ANXA7: variants seen among roughly 807,000 people sequenced by gnomAD.
ANXA7 encodes annexin VII.
A neutral mutation model predicts 64.9 loss-of-function variants in ANXA7; 55 were observed. The observed-to-expected ratio is 0.85, with a 90% confidence interval of 0.68 to 1.06. ANXA7 has a LOEUF of 1.06. ANXA7 is among the 50% of genes least tolerant of loss of function. The probability of loss-of-function intolerance (pLI) is 0.00; values close to 1 mark genes in which losing one functional copy is unlikely to be tolerated. For synonymous variants in ANXA7, 200 were observed against 192.4 expected (o/e 1.04, Z -0.33); for missense variants, 548 against 582.1 (o/e 0.94, Z 0.60).
In ANXA7 at chr10:73,384,175, GTTACAC is replaced by G. The variant is rs2055325237; in HGVS notation, c.634-491_634-486del. Among the ~76,000 whole-genome samples, 3 of 151,856 alleles carry G rather than the reference GTTACAC, an allele frequency of 2.0e-5. No homozygotes were observed. The South Asian group carries it at 6.3e-4, about 32-fold the overall frequency. On this transcript the variant is annotated intron_variant, in intron 7 of 12. Transcript: ENST00000372921. Reference sequence around the variant, plus strand: ...AAAGAAGTAAATAAATTTAAAGTCTGTTACACTTACACATTTATTACACTCAAGCAG... The same window carrying G: ...AAAGAAGTAAATAAATTTAAAGTCTGTTACACATTTATTACACTCAAGCAG...
chr10:73,389,813 G>A (rs1053099840), intron 5 of ANXA7, among the ~76,000 whole-genome samples: 1 of 152,008 alleles, frequency 6.6e-6, no homozygotes, highest in Non-Finnish European at 1.5e-5. Context: ...TTGTAGAGAC[G>A]GGGGTCTTGC....
intron 1 of ANXA7, chr10:73,408,545 T>A (rs1018844947): frequency 6.6e-5 from 10 of 152,166 alleles, no homozygotes; most frequent in African/African-American, 2.4e-4. Context: ...ATTCTTTAGC[T>A]ACTATCTTAA....
chr10:73,383,817 TA>T lies in ANXA7; in HGVS notation c.634-128del, dbSNP rs373213635. 1.1e-3 allele frequency: 756 copies of T among 683,332 alleles called. 4 individuals are homozygous for T. The highest frequency in any genetic ancestry group is 8.9e-3 in the African/African-American group (492 of 55,422). 42.3% of individuals were successfully genotyped at this position (683,332 alleles called of 1,614,324 possible). A position where few individuals can be genotyped will look rare whatever the true frequency, so the allele number is the denominator to read the frequency against. On this transcript the variant is annotated intron_variant, in intron 7 of 12. Coordinates refer to ENST00000372921, the MANE Select transcript of ANXA7 (RefSeq NM_001156.5). ...AAACCTAAATTTGAAAGCTGAATGT[TA>T]ATATACTAAGAAGTAAATAAAGGCC... is the stretch of plus-strand genomic sequence containing the variant.
intron 5 of ANXA7, among the ~76,000 whole-genome samples, chr10:73,393,944 T>C (rs1321883154): frequency 1.3e-5 from 2 of 152,254 alleles, no homozygotes; most frequent in East Asian, 3.9e-4. Context: ...GGGAGAACAT[T>C]TTTGCAATCT....
chr10:73,389,390 T>C (rs1195547574), intron 5 of ANXA7, among the ~76,000 whole-genome samples: 2 of 152,166 alleles, frequency 1.3e-5, no homozygotes, highest in African/African-American at 4.8e-5. Flanking sequence ...AAGGACATCA[T>C]TGAGACAACT....
At chr10:73,412,566 T>C (rs912631153) in intron 1 of ANXA7, among the ~76,000 whole-genome samples, 1 of 150,582 alleles carries the variant, frequency 6.6e-6, no homozygotes, top group African/African-American at 2.4e-5. Context: ...CGATCTTGGC[T>C]CACTGCAACC....
At chr10:73,379,151 A>G (rs1355987073) in intron 11 of ANXA7, 128 bp from the exon 12 acceptor site, 1 of 607,088 alleles carries the variant, frequency 1.6e-6, no homozygotes, top group Non-Finnish European at 2.7e-6. Flanking sequence ...ACATGGGGTG[A>G]GTTAAGAGTG....
At chr10:73,393,516 G>C (rs1478697132) in intron 5 of ANXA7, among the ~76,000 whole-genome samples, 1 of 152,104 alleles carries the variant, frequency 6.6e-6, no homozygotes, top group Non-Finnish European at 1.5e-5. Context: ...CAGAGATATA[G>C]ACCAATGGAA....
chr10:73,378,002 A>G (rs1013812088), intron 12 of ANXA7, among the ~76,000 whole-genome samples: 3 of 151,454 alleles, frequency 2.0e-5, no homozygotes, highest in South Asian at 2.1e-4. Context: ...TCCTGGGCTC[A>G]AGCAATCCTC....
intron 1 of ANXA7, among the ~76,000 whole-genome samples, chr10:73,411,068 TAAAG>T (rs2055830999): frequency 6.6e-6 from 1 of 152,094 alleles, no homozygotes; most frequent in African/African-American, 2.4e-5. Context: ...ACTGAGTGGA[TAAAG>T]AAAATGTGGT....
chr10:73,378,209 T>A (rs1232300243), intron 12 of ANXA7, among the ~76,000 whole-genome samples: 3 of 151,492 alleles, frequency 2.0e-5, no homozygotes, highest in Non-Finnish European at 2.9e-5. Context: ...ACCCCATCTC[T>A]ACCAAAAAAA....
At chr10:73,385,632 A>G (rs916948838) in intron 7 of ANXA7, among the ~76,000 whole-genome samples, 1 of 152,162 alleles carries the variant, frequency 6.6e-6, no homozygotes, top group Non-Finnish European at 1.5e-5. Context: ...CGGAAATTAG[A>G]TTGTTAGTTT....
chr10:73,390,954 G>A (rs974646979), intron 5 of ANXA7, among the ~76,000 whole-genome samples: 7 of 150,162 alleles, frequency 4.7e-5, no homozygotes, highest in East Asian at 2.0e-4. Context: ...GGTGGATCAC[G>A]AGGTCAAGAG....
chr10:73,399,097 A>G (rs1350588457), intron 2 of ANXA7, among the ~76,000 whole-genome samples: 1 of 152,116 alleles, frequency 6.6e-6, no homozygotes, highest in African/African-American at 2.4e-5. Context: ...CTCTTCCTTC[A>G]TCTGCCACCC....
At chr10:73,412,974 T>C (rs1409503494) in intron 1 of ANXA7, among the ~76,000 whole-genome samples, 1 of 151,956 alleles carries the variant, frequency 6.6e-6, no homozygotes, top group Non-Finnish European at 1.5e-5. Flanking sequence ...GTTGCAAATT[T>C]ATGGGGGAAA....
At chr10:73,394,003 A>G (rs545648942) in intron 5 of ANXA7, among the ~76,000 whole-genome samples, 1 of 152,310 alleles carries the variant, frequency 6.6e-6, no homozygotes, top group East Asian at 1.9e-4. Flanking sequence ...GAACTTAAAC[A>G]AATTTACAAG....
At chr10:73,405,406 G>A (rs1178745684) in intron 1 of ANXA7, among the ~76,000 whole-genome samples, 3 of 151,888 alleles carry the variant, frequency 2.0e-5, no homozygotes, top group African/African-American at 7.3e-5. Context: ...GCCAGGCGTG[G>A]TGGCATGTGC....
intron 5 of ANXA7, among the ~76,000 whole-genome samples, chr10:73,394,095 C>G (rs963366608): frequency 1.3e-5 from 2 of 152,028 alleles, no homozygotes; most frequent in African/African-American, 4.8e-5. Flanking sequence ...ATGCAGCCAA[C>G]AGACACATGA....
chr10:73,404,651 T>A (rs2055723685), intron 1 of ANXA7, among the ~76,000 whole-genome samples: 1 of 152,018 alleles, frequency 6.6e-6, no homozygotes, highest in African/African-American at 2.4e-5. Context: ...CTGTCCATTG[T>A]TGAAAAGATG....
Sources: allele counts gnomAD v4.1 joint callset (sites outside exome capture counted in the v4.1 genomes callset), GRCh38; gene constraint gnomAD v4.1.1; transcripts MANE v1.5; gene names NCBI Gene and HGNC (gene_info 2026-07-23, HGNC 2026-07-21).